Variants in RAB8A observed in about 807,000 individuals in gnomAD.
RAB8A encodes RAB8A, member RAS oncogene family, also known as ras-related protein Rab-8A.
Under a neutral mutation model 29.2 loss-of-function variants are expected in RAB8A, and 5 were observed. The observed-to-expected ratio is 0.17, with a 90% CI of 0.09 to 0.36. The LOEUF (loss-of-function observed/expected upper bound fraction) is 0.36. Ranked by LOEUF, RAB8A falls within the 10% of genes least tolerant of loss-of-function variation. The pLI, the probability that RAB8A is intolerant of heterozygous loss-of-function variation, is 1.00. For missense variants in RAB8A, 171 were observed against 272.2 expected, an observed-to-expected ratio of 0.63 and a Z score of 2.62; for synonymous variants, 108 against 99.9, an observed-to-expected ratio of 1.08 and a Z score of -0.49.
At chr19:16,117,579 G>T (rs1304805052) in intron 1 of RAB8A, among the ~76,000 whole-genome samples, 8 of 152,144 alleles carry the variant, frequency 5.3e-5, no homozygotes, top group African/African-American at 1.7e-4. Flanking sequence ...GGGGACTGCG[G>T]GTGAACAGTG....
chr19:16,125,080 G>A lies in RAB8A; in HGVS notation c.247-390G>A, dbSNP rs945174384. The A allele has an allele frequency of 6.3e-6, 2 of 315,390 alleles. No homozygotes were observed. Among genetic ancestry groups the A allele is most frequent in the African/African-American group, 2.1e-5 (1 of 47,158 alleles). 19.5% of individuals were successfully genotyped at this position (315,390 alleles called of 1,614,324 possible). On this transcript the variant is annotated intron_variant, in intron 3 of 7. Transcript: ENST00000300935. This position sits in a 1 kb window ranked among gnomAD's most constrained non-coding sequence, Gnocchi z 5.0. ...GGGGTGAAGAGGAGGCCGATTGCAG[G>A]GGAGGGTCAGCGTGAGGGGAGTGCT...
At chr19:16,114,495 G>A (rs984165375) in intron 1 of RAB8A, among the ~76,000 whole-genome samples, 8 of 148,068 alleles carry the variant, frequency 5.4e-5, no homozygotes, top group Non-Finnish European at 1.0e-4. Context: ...TCCTGTCTCA[G>A]CCTCCCAAGT....
intron 1 of RAB8A, among the ~76,000 whole-genome samples, chr19:16,113,904 T>G (rs979312076): frequency 1.3e-5 from 2 of 152,102 alleles, no homozygotes; most frequent in African/African-American, 4.8e-5. Flanking sequence ...AATAAGGGGT[T>G]GTCACCACAA....
chr19:16,124,793 G>C (rs2090891390), intron 3 of RAB8A: 3 of 141,990 alleles, frequency 2.1e-5, no homozygotes, highest in African/African-American at 8.0e-5. Context: ...GGGCATGTTT[G>C]CGCTTGTCCA....
At position 16,125,402 on chromosome 19, in the gene RAB8A, G is replaced by A. The variant is rs1238474665; in HGVS notation, c.247-68G>A. ...CTGGGCTCCCCACCACTGTTCTCTG[G>A]TGCCGCTGAGGCCTCCCTTCCAGAG... On this transcript the variant is annotated intron_variant, in intron 3 of 7. Coordinates refer to ENST00000300935, the MANE Select transcript of RAB8A (RefSeq NM_005370.5). This position sits in a 1 kb window ranked among gnomAD's most constrained non-coding sequence, Gnocchi z 5.0. 7 of 1,394,276 alleles carry A rather than the reference G, an allele frequency of 5.0e-6. No homozygotes were observed. The highest frequency in any genetic ancestry group is 7.1e-6 in the Non-Finnish European group (7 of 992,340). 86.4% of individuals were successfully genotyped at this position (1,394,276 alleles called of 1,614,324 possible).
intron 6 of RAB8A, 69 bp from the exon 7 acceptor site, chr19:16,129,485 G>A (rs1244779269): frequency 1.5e-5 from 22 of 1,497,766 alleles, no homozygotes; most frequent in Admixed American, 6.7e-5. Flanking sequence ...CACCACACCC[G>A]CTGTACACGG....
At chr19:16,115,298 A>G (rs2090841656) in intron 1 of RAB8A, among the ~76,000 whole-genome samples, 1 of 152,040 alleles carries the variant, frequency 6.6e-6, no homozygotes, top group African/African-American at 2.4e-5. Context: ...CAAAAAAAAA[A>G]AGAAGCAATT....
intron 2 of RAB8A, among the ~76,000 whole-genome samples, chr19:16,118,937 G>A (rs948293570): frequency 3.9e-5 from 6 of 152,212 alleles, no homozygotes; most frequent in African/African-American, 7.2e-5. Flanking sequence ...TTCAGGTGGC[G>A]GGTATAGTGG....
Position 16,125,645 on chromosome 19 carries a change from A to C in RAB8A, c.324+98A>C, listed in dbSNP as rs760813034. 9 of 1,154,090 alleles carry C rather than the reference A, an allele frequency of 7.8e-6. No individual in the cohort carries two copies. The South Asian group carries it at 7.8e-5, about 10-fold the overall frequency. The allele number at this position is 1,154,090 out of a possible 1,614,324, so 71.5% of individuals were successfully genotyped here. A position where few individuals can be genotyped will look rare whatever the true frequency, so the allele number is the denominator to read the frequency against. ...AAGGCCAAGGTGCAGAGACACATAC[A>C]GGCCACTTGCCCACAGCCTCCTAGT... is the stretch of plus-strand genomic sequence containing the variant. On this transcript the variant is annotated intron_variant, in intron 4 of 7. Transcript: ENST00000300935. The surrounding 1 kb of genome is among the most constrained non-coding windows in gnomAD (Gnocchi z 5.0).
intron 3 of RAB8A, chr19:16,124,992 G>GGTCGCCGTA: frequency 1.7e-5 from 3 of 177,758 alleles, no homozygotes; most frequent in Admixed American, 5.9e-5. Flanking sequence ...TGGATGTCGG[G>GGTCGCCGTA]TCAGGACTTC....
chr19:16,121,119 G>GT (rs1256612400), intron 2 of RAB8A, among the ~76,000 whole-genome samples: 6 of 151,532 alleles, frequency 4.0e-5, no homozygotes, highest in African/African-American at 1.5e-4. Flanking sequence ...GTTTCACCAA[G>GT]TTGGCCAGGC....
chr19:16,117,725 A>G (rs1342629733), intron 1 of RAB8A, among the ~76,000 whole-genome samples: 1 of 151,988 alleles, frequency 6.6e-6, no homozygotes, highest in Non-Finnish European at 1.5e-5. Context: ...AAAGGAGGAG[A>G]AGTGTGCCTA....
At position 16,128,134 on chromosome 19, in the gene RAB8A, C is replaced by G. The variant is rs374489648; in HGVS notation, c.480+43C>G. Reference sequence around the variant, plus strand: ...CTGGGAGACATGGGGCCTGCAGGATCGGCCCCTTCAGGCTAAAGGGGGAGC... The same window carrying G: ...CTGGGAGACATGGGGCCTGCAGGATGGGCCCCTTCAGGCTAAAGGGGGAGC... On this transcript the variant is annotated intron_variant, in intron 6 of 7. Coordinates refer to ENST00000300935, the MANE Select transcript of RAB8A (RefSeq NM_005370.5). 3 of 1,597,728 alleles carry G rather than the reference C, an allele frequency of 1.9e-6. No individual in the cohort carries two copies. In the African/African-American group the frequency reaches 4.0e-5, roughly 21 times the overall value.
At chr19:16,117,711 C>T (rs896986432) in intron 1 of RAB8A, among the ~76,000 whole-genome samples, 3 of 146,726 alleles carry the variant, frequency 2.0e-5, no homozygotes, top group African/African-American at 7.5e-5. Flanking sequence ...TTCAAGGGGG[C>T]CTTAAAGGAG....
At chr19:16,115,644 C>A (rs1342599376) in intron 1 of RAB8A, among the ~76,000 whole-genome samples, 1 of 152,234 alleles carries the variant, frequency 6.6e-6, no homozygotes, top group Non-Finnish European at 1.5e-5. Context: ...TTGCCAGTGT[C>A]TTCTGTGGGC....
intron 6 of RAB8A, among the ~76,000 whole-genome samples, chr19:16,129,148 C>A (rs1414829941): frequency 7.3e-6 from 1 of 136,374 alleles, no homozygotes; most frequent in Non-Finnish European, 1.7e-5. Flanking sequence ...AGACAAAGAA[C>A]TGGGCACTCC....
chr19:16,118,250 T>C lies in RAB8A; in HGVS notation c.149T>C (p.Ile50Thr), dbSNP rs139537285. Residue 50 changes from isoleucine (I) to threonine (T), a missense_variant, in exon 2 of 8, where the codon ATA becomes ACA. Around this residue, in one of 3 missense-constraint regions of RAB8A, gnomAD observed 145 missense variants for 212.8 expected, o/e 0.68. Coordinates refer to ENST00000300935, the MANE Select transcript of RAB8A (RefSeq NM_005370.5). The part of the protein sequence containing the change: ...TIGIDFKIRT[I>T]ELDGKRIKLQ... ...GGAATTGACTTTAAAATTAGGACCA[T>C]AGAGCTCGATGGCAAGAGAATTAAA... 35 of 1,610,780 alleles carry C rather than the reference T, an allele frequency of 2.2e-5. No homozygotes were observed. The highest frequency in any genetic ancestry group is 2.8e-5 in the Non-Finnish European group (33 of 1,179,524).
chr19:16,128,222 C>T (rs927667632), intron 6 of RAB8A, 131 bp downstream of exon 6: 2 of 940,394 alleles, frequency 2.1e-6, no homozygotes, highest in African/African-American at 3.3e-5. Flanking sequence ...GCCAGTCAGT[C>T]CTCTGAGGGA....
At position 16,118,285 on chromosome 19, in the gene RAB8A, T is replaced by G; in HGVS notation, c.184T>G (p.Trp62Gly). 6.2e-7 allele frequency: 1 copy of G among 1,609,804 alleles called. No individual in the cohort carries two copies. Among genetic ancestry groups the G allele is most frequent in the Non-Finnish European group, 8.5e-7 (1 of 1,177,560 alleles). ...LDGKRIKLQI[W>G]DTAGQERFRT... ...TGGCAAGAGAATTAAACTGCAGATA[T>G]GGTAAGAGTCATTGTTCTCTGTCAT... The change falls in exon 2 of 8, where the codon TGG (tryptophan) becomes GGG (glycine). Residue 62 changes from tryptophan to glycine, a missense_variant and splice_region_variant. Physicochemically the swap from Trp to Gly is radical, Grantham distance 184. This residue lies in a region of RAB8A where 145 missense variants were observed against 212.8 expected (regional missense o/e 0.68). Transcript: ENST00000300935.
Sources: gnomAD v4.1 joint callset for allele counts (sites outside exome capture counted in the v4.1 genomes callset) on GRCh38, gnomAD v4.1.1 for gene constraint, gnomAD v4.1.1 regional missense constraint, Gnocchi (gnomAD v3.1) non-coding constraint, MANE v1.5 for transcripts, NCBI Gene and HGNC (gene_info 2026-07-23, HGNC 2026-07-21) for gene names.